Variants in PLCH1 observed in about 807,000 individuals in gnomAD.
The protein encoded by PLCH1 is phospholipase C eta 1, also known as 1-phosphatidylinositol 4,5-bisphosphate phosphodiesterase eta-1.
PLCH1 carries 60 observed loss-of-function variants against 126.7 expected under a neutral mutation model. The observed-to-expected ratio is 0.47, with a 90% CI of 0.38 to 0.59. PLCH1 has a LOEUF of 0.59. Among genes scored for constraint, PLCH1 ranks in the 20% least tolerant of loss-of-function variants. The pLI, the probability that PLCH1 is intolerant of heterozygous loss-of-function variation, is 0.00. For synonymous variants in PLCH1, 719 were observed against 734.9 expected (o/e 0.98, Z 0.35); for missense variants, 1,723 against 2,040.0 (o/e 0.84, Z 2.99).
At chr3:155,519,337 T>G (rs1048574787) in intron 11 of PLCH1, among the ~76,000 whole-genome samples, 1 of 152,180 alleles carries the variant, frequency 6.6e-6, no homozygotes, top group African/African-American at 2.4e-5. Flanking sequence ...GGTGGGTAGT[T>G]TCCACCAGAG....
chr3:155,458,516 AT>A (rs1212908874), intron 21 of PLCH1, among the ~76,000 whole-genome samples: 6 of 121,494 alleles, frequency 4.9e-5, no homozygotes, highest in African/African-American at 2.9e-4. Flanking sequence ...AGAGAGAGAA[AT>A]AAGAAAGAGA....
chr3:155,714,696 G>A (rs1046621307), intron 1 of PLCH1, among the ~76,000 whole-genome samples: 4 of 152,138 alleles, frequency 2.6e-5, no homozygotes, highest in African/African-American at 4.8e-5. Flanking sequence ...AAAGACACCC[G>A]GGATGCTGCA....
At position 155,482,740 on chromosome 3, in the gene PLCH1, C is replaced by A. The variant is rs765831859; in HGVS notation, c.3286G>T (p.Gly1096Cys). 1 of 1,614,130 alleles carries A rather than the reference C, an allele frequency of 6.2e-7. No homozygotes were observed. Among genetic ancestry groups the A allele is most frequent in the Non-Finnish European group, 8.5e-7 (1 of 1,180,002 alleles). ...PVVNPTQDLH[G>C]VKIKEKGNPE... is the part of the protein sequence containing the mutation. ...TTACCCTTTTCCTTGATTTTCACAC[C>A]ATGCAGATCTTGTGTGGGGTTAACT... The change falls in exon 23 of 23, where the codon GGT (glycine) becomes TGT (cysteine). Residue 1096 changes from glycine (G) to cysteine (C), a missense_variant. Gly to Cys is a radical substitution (Grantham distance 159). This residue lies in a region of PLCH1 where 947 missense variants were observed against 977.1 expected (regional missense o/e 0.97). Transcript: ENST00000460012.
At chr3:155,534,804 T>A in intron 10 of PLCH1, among the ~76,000 whole-genome samples, 1 of 152,170 alleles carries the variant, frequency 6.6e-6, no homozygotes, top group Admixed American at 6.5e-5. Flanking sequence ...GATGGTTTTA[T>A]AACAGGCTCT....
chr3:155,693,334 G>C (rs1460342665), intron 2 of PLCH1, among the ~76,000 whole-genome samples: 1 of 74,606 alleles, frequency 1.3e-5, no homozygotes, highest in Non-Finnish European at 2.2e-5. Context: ...GCGCGGTGGC[G>C]GGCGCCTGTA....
intron 6 of PLCH1, among the ~76,000 whole-genome samples, chr3:155,575,779 C>G (rs1159242407): frequency 6.6e-6 from 1 of 152,110 alleles, no homozygotes; most frequent in Non-Finnish European, 1.5e-5. Flanking sequence ...ACCTCCACCC[C>G]GCAAGTAGCT....
At position 155,550,025 on chromosome 3, in the gene PLCH1, A is replaced by G. The variant is rs1725899696; in HGVS notation, c.1191-67T>C. On this transcript the variant is annotated intron_variant, in intron 9 of 22. Coordinates refer to ENST00000460012, the MANE Select transcript of PLCH1 (RefSeq NM_014996.4). ...CAACTCACAGGGACTTTTGAAAATG[A>G]TTCAGTATTCACTGTGTTGTTACAA... 3.5e-6 allele frequency: 4 copies of G among 1,131,680 alleles called. No homozygotes were observed. In the Admixed American group the frequency reaches 6.1e-5, roughly 17 times the overall value. 70.1% of individuals were successfully genotyped at this position (1,131,680 alleles called of 1,614,324 possible).
intron 2 of PLCH1, among the ~76,000 whole-genome samples, chr3:155,663,563 C>A (rs778016690): frequency 6.6e-6 from 1 of 152,178 alleles, no homozygotes; most frequent in African/African-American, 2.4e-5. Context: ...TATCTCCCAG[C>A]AAAACCTTCC....
rs574223844 is a variant in PLCH1 at position 155,714,730 on chromosome 3, T to C, written c.-40-10466A>G. Among the ~76,000 whole-genome samples the C allele has an allele frequency of 3.9e-4, 60 of 152,312 alleles. 1 individual carries two copies. Among genetic ancestry groups the C allele is most frequent in the Admixed American group, 1.4e-3 (21 of 15,298 alleles). On this transcript the variant is annotated intron_variant, in intron 1 of 22. Transcript: ENST00000460012. ...CATTTGAAAGGGCTGGTTTAGAGTA[T>C]ATAATATGTATCCAGAGCTTGAAGG...
intron 21 of PLCH1, among the ~76,000 whole-genome samples, chr3:155,473,791 T>C (rs1212389602): frequency 1.9e-4 from 28 of 151,110 alleles, no homozygotes; most frequent in African/African-American, 6.8e-4. Context: ...AACTATCTGA[T>C]CTTTGACAAA....
intron 21 of PLCH1, among the ~76,000 whole-genome samples, chr3:155,472,274 C>G (rs1480413836): frequency 1.3e-5 from 2 of 152,144 alleles, no homozygotes; most frequent in Non-Finnish European, 2.9e-5. Context: ...GAAATACAAA[C>G]TACCATCAGA....
At position 155,458,439 on chromosome 3, in the gene PLCH1, AAGGAAG is replaced by A. The variant is rs1560027206; in HGVS notation, c.2938+26911_2938+26916del. On this transcript the variant is annotated intron_variant, in intron 21 of 21. Transcript: ENST00000494598. ...GAAGGAAGGAAGGAAGGAAGGAAGG[AAGGAAG>A]GAAGGAAGGAAAGAAAGAAAGAAAG... is the stretch of plus-strand genomic sequence containing the variant. 2.7e-3 allele frequency among the ~76,000 whole-genome samples: 241 copies of A among 90,834 alleles called. 2 individuals carry two copies. The highest frequency in any genetic ancestry group is 3.8e-3 in the South Asian group (10 of 2,598). 59.6% of individuals were successfully genotyped at this position (90,834 alleles called of 152,430 possible). A position where few individuals can be genotyped will look rare whatever the true frequency, so the allele number is the denominator to read the frequency against.
At chr3:155,708,212 C>G (rs998859346) in intron 1 of PLCH1, among the ~76,000 whole-genome samples, 1 of 152,124 alleles carries the variant, frequency 6.6e-6, no homozygotes, top group Non-Finnish European at 1.5e-5. Context: ...CAGCAGGAGA[C>G]TAATGAAAAG....
chr3:155,685,641 A>C (rs972720364), intron 2 of PLCH1, among the ~76,000 whole-genome samples: 5 of 152,350 alleles, frequency 3.3e-5, no homozygotes, highest in Middle Eastern at 3.4e-3. Context: ...AAGCCAAGCT[A>C]TTTTAAATCT....
At chr3:155,581,514 A>G (rs1256303986) in intron 6 of PLCH1, among the ~76,000 whole-genome samples, 3 of 152,232 alleles carry the variant, frequency 2.0e-5, no homozygotes, top group South Asian at 2.1e-4. Flanking sequence ...ATGAATCTTG[A>G]AAACATTACG....
chr3:155,533,582 T>C (rs1722968457), intron 10 of PLCH1, among the ~76,000 whole-genome samples: 1 of 152,148 alleles, frequency 6.6e-6, no homozygotes, highest in Non-Finnish European at 1.5e-5. Context: ...ACCCATTTTC[T>C]GGGGAGAAAT....
chr3:155,506,686 C>G (rs1429687178), intron 12 of PLCH1, among the ~76,000 whole-genome samples: 1 of 148,644 alleles, frequency 6.7e-6, no homozygotes, highest in Non-Finnish European at 1.5e-5. Flanking sequence ...ATGAACTCGT[C>G]ATTTTTTATG....
At chr3:155,625,722 G>C (rs1737156350) in intron 2 of PLCH1, among the ~76,000 whole-genome samples, 1 of 152,252 alleles carries the variant, frequency 6.6e-6, no homozygotes, top group African/African-American at 2.4e-5. Flanking sequence ...AAACAGATCA[G>C]GAAACAACAG....
At chr3:155,464,372 T>C (rs1712850734) in intron 21 of PLCH1, among the ~76,000 whole-genome samples, 1 of 152,178 alleles carries the variant, frequency 6.6e-6, no homozygotes, top group Non-Finnish European at 1.5e-5. Context: ...GGGTTGATTA[T>C]ATTTATATTC....
Sources: allele counts gnomAD v4.1 joint callset (sites outside exome capture counted in the v4.1 genomes callset), GRCh38; gene constraint gnomAD v4.1.1; regional missense constraint gnomAD v4.1.1; transcripts MANE v1.5; gene names NCBI Gene and HGNC (gene_info 2026-07-23, HGNC 2026-07-21).